Variants in FANCF observed in about 807,000 individuals in gnomAD.
FANCF encodes FA complementation group F, also known as Fanconi anemia group F protein.
For synonymous variants in FANCF, 257 were observed against 205.9 expected (o/e 1.25, Z -2.13); for missense variants, 552 against 481.8 (o/e 1.15, Z -1.36).
rs1858628766 is a variant in FANCF, at chr11:22,625,389, G to A, written c.422C>T (p.Ser141Phe). Reference protein sequence around the residue: ...ESLARLARRRSAVHMLRFNGY... With the variant: ...ESLARLARRRFAVHMLRFNGY... ...ATTGAAGCGCAGCATGTGCACCGCA[G>A]ACCGCCGGCGGGCAAGGCGGGCCAG... is the stretch of plus-strand genomic sequence containing the variant. The change falls in exon 1 of 1, where the codon TCT becomes TTT. Residue 141 changes from serine to phenylalanine, a missense_variant. Coordinates refer to ENST00000327470, the MANE Select transcript of FANCF (RefSeq NM_022725.4). 1 of 1,614,200 alleles carries A rather than the reference G, an allele frequency of 6.2e-7. No individual in the cohort carries two copies. The highest frequency in any genetic ancestry group is 8.5e-7 in the Non-Finnish European group (1 of 1,180,032).
At position 22,625,470 on chromosome 11, in the gene FANCF, T is replaced by G. The variant is rs1404737115; in HGVS notation, c.341A>C (p.Gln114Pro). The change falls in exon 1 of 1, where the codon CAA becomes CCA. Residue 114 changes from glutamine to proline, a missense_variant. Physicochemically the swap from Gln to Pro is moderately conservative, Grantham distance 76. Coordinates refer to ENST00000327470, the MANE Select transcript of FANCF (RefSeq NM_022725.4). The stretch of plus-strand genomic sequence containing the variant: ...CCGGACGCCCGGGCCGGGAAAGAGT[T>G]GCTGCACCAGGTGGTAACGAGCTGC... ...GDAARYHLVQ[Q>P]LFPGPGVRDA... 6.2e-7 allele frequency: 1 copy of G among 1,614,184 alleles called. No homozygotes were observed. The highest frequency in any genetic ancestry group is 1.1e-5 in the South Asian group (1 of 91,080).
Position 22,625,067 on chromosome 11 carries a change from A to G in FANCF, c.744T>C (p.Phe248=). 6.2e-7 allele frequency: 1 copy of G among 1,614,118 alleles called. No homozygotes were observed. The highest frequency in any genetic ancestry group is 1.1e-5 in the South Asian group (1 of 91,080). The change falls in exon 1 of 1, where the codon TTT becomes TTC. Residue 248 remains phenylalanine, a synonymous_variant. Coordinates refer to ENST00000327470, the MANE Select transcript of FANCF (RefSeq NM_022725.4). ...CTGGGAGGGCGCGACAAAAGGCAGC[A>G]AAGACTTCCGAATTCCCCAGAAGCC... ...VHWLLGNSEV[F]AAFCRALPAG... is the part of the protein sequence containing the mutation.
rs1163436167 is a variant in FANCF, at chr11:22,625,362, C to G, written c.449G>C (p.Gly150Ala). The G allele has an allele frequency of 6.2e-7, 1 of 1,614,222 alleles. No individual in the cohort carries two copies. The highest frequency in any genetic ancestry group is 8.5e-7 in the Non-Finnish European group (1 of 1,180,036). ...RSAVHMLRFNGYRENPNLQED... is the reference protein window; with the variant it reads ...RSAVHMLRFNAYRENPNLQED... ...CTGGAGATTTGGGTTCTCTCTATAG[C>G]CATTGAAGCGCAGCATGTGCACCGC... Residue 150 changes from glycine to alanine, a missense_variant, in exon 1 of 1, where the codon GGC (glycine) becomes GCC (alanine). Coordinates refer to ENST00000327470, the MANE Select transcript of FANCF (RefSeq NM_022725.4).
At position 22,625,373 on chromosome 11, in the gene FANCF, C is replaced by T. The variant is rs1858628363; in HGVS notation, c.438G>A (p.Leu146=). Residue 146 remains leucine, a synonymous_variant, in exon 1 of 1, where the codon CTG becomes CTA. Transcript: ENST00000327470. ...GGTTCTCTCTATAGCCATTGAAGCG[C>T]AGCATGTGCACCGCAGACCGCCGGC... ...LARRRSAVHM[L]RFNGYRENPN... 1 of 1,614,218 alleles carries T rather than the reference C, an allele frequency of 6.2e-7. No individual in the cohort carries two copies. The highest frequency in any genetic ancestry group is 8.5e-7 in the Non-Finnish European group (1 of 1,180,030).
In FANCF at chr11:22,625,760, G is replaced by A. The variant is rs2133798809; in HGVS notation, c.51C>T (p.Val17=). ...HLDRFSELLA[V]SSTTYVSTWD... is the part of the protein sequence containing the mutation. The stretch of plus-strand genomic sequence containing the variant: ...AGGTGCTGACGTAGGTAGTGCTTGA[G>A]ACCGCCAGAAGCTCGGAAAAGCGAT... Residue 17 remains valine, a synonymous_variant, in exon 1 of 1, where the codon GTC becomes GTT. Coordinates refer to ENST00000327470, the MANE Select transcript of FANCF (RefSeq NM_022725.4). 1.9e-6 allele frequency: 3 copies of A among 1,614,172 alleles called. No homozygotes were observed. The highest frequency in any genetic ancestry group is 1.1e-5 in the South Asian group (1 of 91,078).
Position 22,625,082 on chromosome 11 carries a change from C to A in FANCF, c.729G>T (p.Gly243=), listed in dbSNP as rs778844305. The part of the protein sequence containing the change: ...GSQVLVHWLL[G]NSEVFAAFCR... ...AAAAGGCAGCAAAGACTTCCGAATT[C>A]CCCAGAAGCCAGTGGACTAGCACTT... Residue 243 remains glycine (G), a synonymous_variant, in exon 1 of 1, where the codon GGG becomes GGT. Transcript: ENST00000327470. 7 of 1,613,832 alleles carry A rather than the reference C, an allele frequency of 4.3e-6. No individual in the cohort carries two copies. Among genetic ancestry groups the A allele is most frequent in the Non-Finnish European group, 5.9e-6 (7 of 1,179,814 alleles).
chr11:22,624,287 T>A lies in FANCF; in HGVS notation c.*399A>T, dbSNP rs1269007746. 6.7e-6 allele frequency: 2 copies of A among 297,576 alleles called. No individual in the cohort carries two copies. The highest frequency in any genetic ancestry group is 1.3e-5 in the Non-Finnish European group (2 of 156,456). 18.4% of individuals were successfully genotyped at this position (297,576 alleles called of 1,614,324 possible). A position where few individuals can be genotyped will look rare whatever the true frequency, so the allele number is the denominator to read the frequency against. On this transcript the variant is annotated 3_prime_UTR_variant, in exon 1 of 1. Coordinates refer to ENST00000327470, the MANE Select transcript of FANCF (RefSeq NM_022725.4). Reference sequence around the variant, plus strand: ...CCAATATTCCTGACACTGCCAGGAATAAAGAAAACTCTTCACTACTGAGGG... The same window carrying A: ...CCAATATTCCTGACACTGCCAGGAAAAAAGAAAACTCTTCACTACTGAGGG...
In FANCF at chr11:22,624,275, C is replaced by T. The variant is rs1014553856; in HGVS notation, c.*411G>A. 3 of 289,034 alleles carry T rather than the reference C, an allele frequency of 1.0e-5. No homozygotes were observed. Among genetic ancestry groups the T allele is most frequent in the African/African-American group, 6.5e-5 (3 of 46,474 alleles). The allele number at this position is 289,034 out of a possible 1,614,324, so 17.9% of individuals were successfully genotyped here. A position where few individuals can be genotyped will look rare whatever the true frequency, so the allele number is the denominator to read the frequency against. On this transcript the variant is annotated 3_prime_UTR_variant, in exon 1 of 1. Transcript: ENST00000327470. The stretch of plus-strand genomic sequence containing the variant: ...CAGCTTTTCAAACCAATATTCCTGA[C>T]ACTGCCAGGAATAAAGAAAACTCTT...
Position 22,624,574 on chromosome 11 carries a change from G to T in FANCF, c.*112C>A. On this transcript the variant is annotated 3_prime_UTR_variant, in exon 1 of 1. Transcript: ENST00000327470. ...CTGTTTAATAAACTATTCAAAATTAGCATCTAAAATAATTATACTTTGGAC... is the reference window on the plus strand; with the variant it reads ...CTGTTTAATAAACTATTCAAAATTATCATCTAAAATAATTATACTTTGGAC... 1.1e-6 allele frequency: 1 copy of T among 930,208 alleles called. No homozygotes were observed. The highest frequency in any genetic ancestry group is 1.7e-6 in the Non-Finnish European group (1 of 591,940). 57.6% of individuals were successfully genotyped at this position (930,208 alleles called of 1,614,324 possible). A position where few individuals can be genotyped will look rare whatever the true frequency, so the allele number is the denominator to read the frequency against.
At position 22,625,558 on chromosome 11, in the gene FANCF, C is replaced by T. The variant is rs1316059930; in HGVS notation, c.253G>A (p.Ala85Thr). ...AGCAGGACGTCACAGTGACCGAGGG[C>T]CTGGAAGTTCGCTAATCCCGGAACT... is the stretch of plus-strand genomic sequence containing the variant. ...GPVPGLANFQ[A>T]LGHCDVLLSL... The change falls in exon 1 of 1, where the codon GCC becomes ACC. Residue 85 changes from alanine to threonine, a missense_variant. Transcript: ENST00000327470. The T allele has an allele frequency of 6.2e-7, 1 of 1,613,946 alleles. No individual in the cohort carries two copies. The highest frequency in any genetic ancestry group is 8.5e-7 in the Non-Finnish European group (1 of 1,180,030).
rs1276537895 is a variant in FANCF at position 22,622,938 on chromosome 11, G to C, written c.*1748C>G. The C allele has an allele frequency of 5.1e-6, 1 of 197,198 alleles. No homozygotes were observed. The highest frequency in any genetic ancestry group is 2.3e-5 in the African/African-American group (1 of 43,316). The allele number at this position is 197,198 out of a possible 1,614,324, so 12.2% of individuals were successfully genotyped here. ...AATTTTATTGTAAATCATAGTGTGA[G>C]ATACAGCTGCAAATATAGGGAAGTA... On this transcript the variant is annotated 3_prime_UTR_variant, in exon 1 of 1. Coordinates refer to ENST00000327470, the MANE Select transcript of FANCF (RefSeq NM_022725.4).
rs1858627262 is a variant in FANCF at position 22,625,307 on chromosome 11, C to T, written c.504G>A (p.Glu168=). The change falls in exon 1 of 1, where the codon GAG becomes GAA. Residue 168 remains glutamate, a synonymous_variant. Coordinates refer to ENST00000327470, the MANE Select transcript of FANCF (RefSeq NM_022725.4). ...CCTCCTGCAGACGCTCCAGCAGCAG[C>T]TCCGCCTGGGTCTTCATCAGAGAGT... ...QEDSLMKTQA[E]LLLERLQEVG... 7 of 1,614,134 alleles carry T rather than the reference C, an allele frequency of 4.3e-6. No individual in the cohort carries two copies. Among genetic ancestry groups the T allele is most frequent in the Non-Finnish European group, 5.9e-6 (7 of 1,180,052 alleles).
In FANCF at chr11:22,625,519, G is replaced by A; in HGVS notation, c.292C>T (p.Leu98=). ...HCDVLLSLRL[L]ENRALGDAAR... ...GCATCCCCGAGGGCCCGGTTCTCCA[G>A]CAGGCGCAGAGAGAGCAGGACGTCA... The change falls in exon 1 of 1, where the codon CTG becomes TTG. Residue 98 remains leucine, a synonymous_variant. Coordinates refer to ENST00000327470, the MANE Select transcript of FANCF (RefSeq NM_022725.4). 1 of 1,614,200 alleles carries A rather than the reference G, an allele frequency of 6.2e-7. No homozygotes were observed. The highest frequency in any genetic ancestry group is 8.5e-7 in the Non-Finnish European group (1 of 1,180,024).
chr11:22,625,360 A>G lies in FANCF; in HGVS notation c.451T>C (p.Tyr151His). 6.2e-7 allele frequency: 1 copy of G among 1,614,172 alleles called. No homozygotes were observed. The change falls in exon 1 of 1, where the codon TAT becomes CAT. Residue 151 changes from tyrosine (Y) to histidine (H), a missense_variant. Transcript: ENST00000327470. ...TCCTGGAGATTTGGGTTCTCTCTATAGCCATTGAAGCGCAGCATGTGCACC... is the reference window on the plus strand; with the variant it reads ...TCCTGGAGATTTGGGTTCTCTCTATGGCCATTGAAGCGCAGCATGTGCACC... ...SAVHMLRFNGYRENPNLQEDS... is the reference protein window; with the variant it reads ...SAVHMLRFNGHRENPNLQEDS...
In FANCF at chr11:22,623,354, T is replaced by TC. The variant is rs397727091; in HGVS notation, c.*1331dup. The TC allele has an allele frequency of 0.015, 3,025 of 202,704 alleles. 74 individuals are homozygous for TC. The highest frequency in any genetic ancestry group is 0.088 in the East Asian group (1,159 of 13,138). 12.6% of individuals were successfully genotyped at this position (202,704 alleles called of 1,614,324 possible). On this transcript the variant is annotated 3_prime_UTR_variant, in exon 1 of 1. Coordinates refer to ENST00000327470, the MANE Select transcript of FANCF (RefSeq NM_022725.4). ...ATTAACTTTCTAAATATCATTTTTT[T>TC]CTCCAAAAAAATCCTCTTACCAGCT...
chr11:22,624,772 A>G lies in FANCF; in HGVS notation c.1039T>C (p.Trp347Arg). The change falls in exon 1 of 1, where the codon TGG (tryptophan) becomes CGG (arginine). Residue 347 changes from tryptophan to arginine, a missense_variant. Physicochemically the swap from Trp to Arg is moderately radical, Grantham distance 101. Coordinates refer to ENST00000327470, the MANE Select transcript of FANCF (RefSeq NM_022725.4). ...GDFEVPGLSIWTDLLLALRSG... is the reference protein window; with the variant it reads ...GDFEVPGLSIRTDLLLALRSG... ...CGAAGAGCTAATAAGAGGTCTGTCC[A>G]GATGCTAAGACCAGGTACTTCAAAA... is the stretch of plus-strand genomic sequence containing the variant. 1.2e-6 allele frequency: 2 copies of G among 1,614,170 alleles called. No individual in the cohort carries two copies. The highest frequency in any genetic ancestry group is 8.5e-7 in the Non-Finnish European group (1 of 1,180,020).
Position 22,623,506 on chromosome 11 carries a change from C to T in FANCF, c.*1180G>A, listed in dbSNP as rs1858589217. On this transcript the variant is annotated 3_prime_UTR_variant, in exon 1 of 1. Transcript: ENST00000327470. ...GCTGTGGAACACCCAGGTAAACTAA[C>T]ACAACTAGGTTCCTACACACAAAAC... is the stretch of plus-strand genomic sequence containing the variant. The T allele has an allele frequency of 5.0e-6, 1 of 198,202 alleles. No individual in the cohort carries two copies. 12.3% of individuals were successfully genotyped at this position (198,202 alleles called of 1,614,324 possible).
In FANCF at chr11:22,625,813, G is replaced by A. The variant is rs775127986; in HGVS notation, c.-3C>T. The stretch of plus-strand genomic sequence containing the variant: ...AGGTGCTGCAGAAGGGATTCCATGA[G>A]GTGCGCGAAGGCCCTACTTCCGCTT... On this transcript the variant is annotated 5_prime_UTR_variant, in exon 1 of 1. Transcript: ENST00000327470. The A allele has an allele frequency of 2.5e-6, 4 of 1,613,976 alleles. No individual in the cohort carries two copies. The highest frequency in any genetic ancestry group is 3.4e-6 in the Non-Finnish European group (4 of 1,180,032).
At position 22,624,623 on chromosome 11, in the gene FANCF, G is replaced by T; in HGVS notation, c.*63C>A. 7.0e-7 allele frequency: 1 copy of T among 1,427,944 alleles called. No individual in the cohort carries two copies. The highest frequency in any genetic ancestry group is 1.2e-5 in the South Asian group (1 of 86,860). 88.5% of individuals were successfully genotyped at this position (1,427,944 alleles called of 1,614,324 possible). A position where few individuals can be genotyped will look rare whatever the true frequency, so the allele number is the denominator to read the frequency against. ...ACACACGAAGGCATATATTTGGTGA[G>T]AACATTGTAATTTTCATTTTGTAAA... On this transcript the variant is annotated 3_prime_UTR_variant, in exon 1 of 1. Transcript: ENST00000327470.
Sources: gnomAD v4.1 joint callset for allele counts on GRCh38, gnomAD v4.1.1 for gene constraint, MANE v1.5 for transcripts, NCBI Gene and HGNC (gene_info 2026-07-23, HGNC 2026-07-21) for gene names.